Variants in TMC1 observed in about 807,000 individuals in gnomAD.
TMC1 encodes the protein transmembrane channel-like protein 1.
In TMC1, 84 loss-of-function variants were observed where a neutral mutation model predicts 105.8. The observed-to-expected ratio is 0.79, with a 90% CI of 0.67 to 0.95. The LOEUF is 0.95. Ranked by LOEUF, TMC1 falls within the 40% of genes least tolerant of loss-of-function variation. The pLI is 0.00. For synonymous variants in TMC1, 315 were observed against 311.5 expected, an observed-to-expected ratio of 1.01 and a Z score of -0.12; for missense variants, 817 against 914.1, an observed-to-expected ratio of 0.89 and a Z score of 1.37.
At chr9:72,645,478 A>G (rs549452616) in intron 4 of TMC1, among the ~76,000 whole-genome samples, 2 of 152,322 alleles carry the variant, frequency 1.3e-5, no homozygotes, top group South Asian at 4.1e-4. Context: ...TCAAAATAAG[A>G]GCAGACCAGT....
At chr9:72,657,767 C>G (rs1444572792) in intron 5 of TMC1, among the ~76,000 whole-genome samples, 2 of 152,062 alleles carry the variant, frequency 1.3e-5, no homozygotes, top group East Asian at 3.9e-4. Flanking sequence ...CATAACTTTA[C>G]AATGAGACAA....
chr9:72,748,710 G>A (rs1827532303), intron 10 of TMC1, among the ~76,000 whole-genome samples: 1 of 152,098 alleles, frequency 6.6e-6, no homozygotes, highest in Non-Finnish European at 1.5e-5. Flanking sequence ...AAAGAGGGAA[G>A]ATTTCTTCTT....
intron 1 of TMC1, among the ~76,000 whole-genome samples, chr9:72,566,942 T>C (rs1824167806): frequency 6.6e-6 from 1 of 152,220 alleles, no homozygotes; most frequent in African/African-American, 2.4e-5. Flanking sequence ...CAAATGCAAA[T>C]CAGACCTTGT....
intron 20 of TMC1, among the ~76,000 whole-genome samples, chr9:72,822,560 GTT>G (rs57529172): frequency 2.8e-5 from 4 of 143,510 alleles, no homozygotes; most frequent in South Asian, 2.2e-4. Context: ...GTGTGTGTGT[GTT>G]TCCAAGTGGG....
At chr9:72,683,515 G>T (rs1248907691) in intron 5 of TMC1, among the ~76,000 whole-genome samples, 6 of 149,034 alleles carry the variant, frequency 4.0e-5, no homozygotes, top group East Asian at 2.0e-4. Flanking sequence ...TTTTAAAGAG[G>T]TTTTTTTTTA....
intron 1 of TMC1, among the ~76,000 whole-genome samples, chr9:72,563,899 CAAA>C (rs71357586): frequency 1.9e-5 from 1 of 52,156 alleles, no homozygotes; most frequent in Admixed American, 3.0e-4. Context: ...AACTCTGGCT[CAAA>C]AAAAAAAAAA....
intron 20 of TMC1, among the ~76,000 whole-genome samples, chr9:72,823,773 A>G (rs1380987613): frequency 1.3e-5 from 2 of 152,196 alleles, no homozygotes; most frequent in African/African-American, 2.4e-5. Flanking sequence ...AGGTTTTTAT[A>G]TACATCCCTG....
chr9:72,786,409 A>G (rs965033182), intron 13 of TMC1, among the ~76,000 whole-genome samples: 1 of 152,196 alleles, frequency 6.6e-6, no homozygotes, highest in Non-Finnish European at 1.5e-5. Flanking sequence ...GCGCCACTGC[A>G]CTCTAGCCTG....
intron 1 of TMC1, among the ~76,000 whole-genome samples, chr9:72,550,101 G>A (rs957362255): frequency 6.6e-6 from 1 of 152,078 alleles, no homozygotes. Flanking sequence ...CTAAGAGAAT[G>A]CAGGACAAAT....
intron 23 of TMC1, 56 bp downstream of exon 23, chr9:72,830,738 C>CTT (rs71495342): frequency 0.025 from 27,931 of 1,138,854 alleles, 96 homozygotes; most frequent in African/African-American, 0.032. Context: ...CTTTTTCTTT[C>CTT]TTTTTTTTTT....
chr9:72,703,036 C>T (rs940776952), intron 8 of TMC1, among the ~76,000 whole-genome samples: 8 of 151,780 alleles, frequency 5.3e-5, no homozygotes, highest in Non-Finnish European at 7.4e-5. Context: ...TTTTTTTAAC[C>T]GTGGCAATAT....
At chr9:72,525,591 G>T (rs560249968) in intron 1 of TMC1, among the ~76,000 whole-genome samples, 1 of 152,184 alleles carries the variant, frequency 6.6e-6, no homozygotes, top group Non-Finnish European at 1.5e-5. Context: ...ACTGACAAAC[G>T]CAGAGCTTGT....
At chr9:72,725,557 T>C (rs987608842) in intron 8 of TMC1, among the ~76,000 whole-genome samples, 6 of 151,452 alleles carry the variant, frequency 4.0e-5, no homozygotes, top group Non-Finnish European at 8.8e-5. Flanking sequence ...AGAAAGATGT[T>C]GTCGGGGAGG....
At chr9:72,765,763 G>A (rs1827821389) in intron 12 of TMC1, among the ~76,000 whole-genome samples, 1 of 152,274 alleles carries the variant, frequency 6.6e-6, no homozygotes, top group South Asian at 2.1e-4. Flanking sequence ...CAGGTTTGGG[G>A]AATTTTCTTG....
At chr9:72,542,616 A>T (rs118085191) in intron 1 of TMC1, among the ~76,000 whole-genome samples, 1,969 of 152,034 alleles carry the variant, frequency 0.013, 22 homozygotes, top group Admixed American at 0.021. Context: ...AAAGAAAAAA[A>T]AGAATTCTGA....
chr9:72,815,059 C>T (rs1052770018), intron 18 of TMC1, among the ~76,000 whole-genome samples: 12 of 151,922 alleles, frequency 7.9e-5, no homozygotes, highest in Admixed American at 6.6e-5. Context: ...TCGTGGTCTT[C>T]TTGGCCCTCT....
chr9:72,645,867 T>C (rs1381781139), intron 4 of TMC1, among the ~76,000 whole-genome samples: 1 of 152,206 alleles, frequency 6.6e-6, no homozygotes, highest in Non-Finnish European at 1.5e-5. Context: ...TTGACATAAT[T>C]CAATTCCCAG....
chr9:72,822,694 A>C (rs1217299067), intron 20 of TMC1, among the ~76,000 whole-genome samples: 1 of 152,242 alleles, frequency 6.6e-6, no homozygotes, highest in Non-Finnish European at 1.5e-5. Context: ...GGAATATGCC[A>C]TTCAAAGGCT....
At chr9:72,789,400 A>G in intron 15 of TMC1, 83 bp downstream of exon 15, 1 of 1,386,376 alleles carries the variant, frequency 7.2e-7, no homozygotes, top group Non-Finnish European at 1.0e-6. Context: ...GGAACATTTA[A>G]AAAGGCCACC....
Sources: gnomAD v4.1 joint callset for allele counts (sites outside exome capture counted in the v4.1 genomes callset) on GRCh38, gnomAD v4.1.1 for gene constraint, MANE v1.5 for transcripts, NCBI Gene and HGNC (gene_info 2026-07-23, HGNC 2026-07-21) for gene names.